The following CACNA2D3 variants were observed in gnomAD, a reference collection of about 807,000 sequenced individuals.
CACNA2D3 encodes the protein voltage-dependent calcium channel subunit alpha-2/delta-3.
A neutral mutation model predicts 160.6 loss-of-function variants in CACNA2D3; 60 were observed. The ratio of observed to expected loss-of-function variants is 0.37; its 90% confidence interval spans 0.30 to 0.46. The LOEUF (loss-of-function observed/expected upper bound fraction) is 0.46, where lower values mean the gene tolerates loss of function less well. CACNA2D3 is among the 20% of genes least tolerant of loss of function. CACNA2D3 has a pLI of 1.00. For synonymous variants in CACNA2D3, 558 were observed against 492.9 expected (o/e 1.13, Z -1.75); for missense variants, 1,205 against 1,365.0 (o/e 0.88, Z 1.85).
At chr3:54,434,534 TC>T (rs1167186996) in intron 4 of CACNA2D3, among the ~76,000 whole-genome samples, 1 of 152,186 alleles carries the variant, frequency 6.6e-6, no homozygotes, top group Non-Finnish European at 1.5e-5. Flanking sequence ...TTAACTAACC[TC>T]CCCAAGGACG....
intron 31 of CACNA2D3, among the ~76,000 whole-genome samples, chr3:54,991,358 G>A (rs550164720): frequency 1.3e-5 from 2 of 152,062 alleles, no homozygotes; most frequent in Admixed American, 6.5e-5. Context: ...GAGTAGCTGG[G>A]ACTACAGGTG....
At chr3:54,596,902 A>C (rs189186280) in intron 9 of CACNA2D3, among the ~76,000 whole-genome samples, 30 of 152,138 alleles carry the variant, frequency 2.0e-4, no homozygotes, top group African/African-American at 6.0e-4. Flanking sequence ...CCACCTAACA[A>C]GGGGCTCAGT....
At chr3:54,801,140 C>T (rs1416913064) in intron 13 of CACNA2D3, among the ~76,000 whole-genome samples, 1 of 152,098 alleles carries the variant, frequency 6.6e-6, no homozygotes. Context: ...GCACCCAGCA[C>T]CACGCCTGGC....
intron 35 of CACNA2D3, among the ~76,000 whole-genome samples, chr3:55,027,976 G>A (rs539422044): frequency 6.6e-6 from 1 of 152,184 alleles, no homozygotes; most frequent in Non-Finnish European, 1.5e-5. Flanking sequence ...GAAGAGATCC[G>A]CTGACCCTGG....
intron 9 of CACNA2D3, among the ~76,000 whole-genome samples, chr3:54,603,367 C>T (rs777929979): frequency 1.3e-5 from 2 of 152,364 alleles, no homozygotes; most frequent in East Asian, 3.9e-4. Flanking sequence ...ACCAGGCTCT[C>T]TCAACCCCAT....
chr3:54,862,168 C>T (rs1699305009), intron 17 of CACNA2D3, among the ~76,000 whole-genome samples: 1 of 151,988 alleles, frequency 6.6e-6, no homozygotes, highest in African/African-American at 2.4e-5. Flanking sequence ...AGCACAGTAT[C>T]CTCAGAGGGT....
chr3:55,061,402 T>A (rs1432680543), intron 35 of CACNA2D3, among the ~76,000 whole-genome samples: 1 of 152,160 alleles, frequency 6.6e-6, no homozygotes, highest in East Asian at 1.9e-4. Context: ...AGGGCTCAGC[T>A]CCCTAAAGCC....
chr3:54,722,894 G>T (rs571229211), intron 11 of CACNA2D3, among the ~76,000 whole-genome samples: 2 of 152,312 alleles, frequency 1.3e-5, no homozygotes, highest in East Asian at 3.9e-4. Flanking sequence ...TGAGGAGGCA[G>T]TCTGACCCTT....
intron 10 of CACNA2D3, among the ~76,000 whole-genome samples, chr3:54,630,435 G>T (rs1699210647): frequency 1.3e-5 from 2 of 152,210 alleles, no homozygotes; most frequent in South Asian, 4.2e-4. Flanking sequence ...TTTAATGCCG[G>T]CCTGCCAAGG....
In CACNA2D3 at chr3:54,691,841, T is replaced by G. The variant is rs757938374; in HGVS notation, c.1167+49600T>G. On this transcript the variant is annotated intron_variant, in intron 11 of 37. Transcript: ENST00000474759. The stretch of plus-strand genomic sequence containing the variant: ...ATTTGTCTTTTCAGCTTCAGGAAAT[T>G]AAAGAGAATGCAGTGGATGCCTTCA... Among the ~76,000 whole-genome samples, 8 of 152,348 alleles carry G rather than the reference T, an allele frequency of 5.3e-5. No individual in the cohort carries two copies. In the South Asian group the frequency reaches 8.3e-4, roughly 16 times the overall value.
At chr3:54,626,236 A>C (rs1029769482) in intron 9 of CACNA2D3, 14 of 1,022,844 alleles carry the variant, frequency 1.4e-5, no homozygotes, top group Admixed American at 4.0e-5. Flanking sequence ...AGAGCAGAAG[A>C]AGCAGACCTT....
intron 14 of CACNA2D3, among the ~76,000 whole-genome samples, chr3:54,825,556 A>G (rs929008840): frequency 6.6e-6 from 1 of 152,024 alleles, no homozygotes; most frequent in Non-Finnish European, 1.5e-5. Context: ...GACACACTGG[A>G]TGTTTCCTGA....
intron 26 of CACNA2D3, 72 bp from the exon 27 acceptor site, chr3:54,899,716 G>A (rs1700281941): frequency 4.4e-6 from 5 of 1,128,684 alleles, no homozygotes; most frequent in African/African-American, 1.5e-5. Flanking sequence ...ACTGTAGACC[G>A]ATATGATTAC....
intron 27 of CACNA2D3, among the ~76,000 whole-genome samples, chr3:54,904,783 A>G (rs1302563849): frequency 6.6e-6 from 1 of 152,194 alleles, no homozygotes; most frequent in Non-Finnish European, 1.5e-5. Context: ...ATATTTATTG[A>G]CCAGATAGTG....
intron 4 of CACNA2D3, among the ~76,000 whole-genome samples, chr3:54,457,598 G>T (rs992487859): frequency 6.6e-6 from 1 of 151,882 alleles, no homozygotes; most frequent in African/African-American, 2.4e-5. Context: ...GCTTATATTG[G>T]ATTTTTTTTA....
At chr3:54,427,510 A>G (rs1319942384) in intron 4 of CACNA2D3, among the ~76,000 whole-genome samples, 4 of 152,188 alleles carry the variant, frequency 2.6e-5, no homozygotes, top group Non-Finnish European at 5.9e-5. Context: ...TGGAAGCCAG[A>G]ACTACCCTAG....
At chr3:54,510,956 G>A (rs1291187401) in intron 5 of CACNA2D3, among the ~76,000 whole-genome samples, 7 of 152,092 alleles carry the variant, frequency 4.6e-5, no homozygotes, top group Non-Finnish European at 2.9e-5. Flanking sequence ...CTTCCATTCA[G>A]CCCTGTTTGT....
chr3:54,774,363 A>C (rs529329371), intron 13 of CACNA2D3, among the ~76,000 whole-genome samples: 1 of 152,252 alleles, frequency 6.6e-6, no homozygotes, highest in South Asian at 2.1e-4. Context: ...GCAAAGGGGA[A>C]GCAGGCATGT....
chr3:54,675,016 A>G (rs931758579), intron 11 of CACNA2D3, among the ~76,000 whole-genome samples: 1 of 152,198 alleles, frequency 6.6e-6, no homozygotes, highest in Non-Finnish European at 1.5e-5. Flanking sequence ...ATGAGTGATT[A>G]GGCAGTCAGG....
Sources: gnomAD v4.1 joint callset for allele counts (sites outside exome capture counted in the v4.1 genomes callset) on GRCh38, gnomAD v4.1.1 for gene constraint, MANE v1.5 for transcripts, NCBI Gene and HGNC (gene_info 2026-07-23, HGNC 2026-07-21) for gene names.